Variants in KIF13A observed in about 807,000 individuals in gnomAD.
KIF13A encodes the protein kinesin family member 13A.
A neutral mutation model predicts 212.2 loss-of-function variants in KIF13A; 79 were observed. The ratio of observed to expected loss-of-function variants is 0.37; its 90% CI spans 0.31 to 0.45. The LOEUF is 0.45. Among genes scored for constraint, KIF13A ranks in the 20% least tolerant of loss-of-function variants. KIF13A has a pLI of 1.00. For missense variants in KIF13A, 1,901 were observed against 2,209.0 expected (o/e 0.86, Z 2.79); for synonymous variants, 789 against 808.6 (o/e 0.98, Z 0.41).
At chr6:17,927,641 C>T (rs187006054) in intron 2 of KIF13A, among the ~76,000 whole-genome samples, 2 of 152,304 alleles carry the variant, frequency 1.3e-5, no homozygotes, top group East Asian at 1.9e-4. Context: ...CTGAATTGTA[C>T]ACTTTTAAAC....
intron 2 of KIF13A, among the ~76,000 whole-genome samples, chr6:17,959,947 G>A (rs1282722690): frequency 3.3e-5 from 5 of 151,926 alleles, no homozygotes; most frequent in African/African-American, 7.3e-5. Context: ...GCTTGAACCC[G>A]GGAGGCGGAG....
chr6:17,937,746 GT>G lies in KIF13A; in HGVS notation c.147-39567del, dbSNP rs11401933. ...GCCCAGCTAATTTCTTTCCTTTTTT[GT>G]TTTTTTTTTTTTGTTTTTTTGAGAC... On this transcript the variant is annotated intron_variant, in intron 2 of 38. Coordinates refer to ENST00000259711, the MANE Select transcript of KIF13A (RefSeq NM_022113.6). Among the ~76,000 whole-genome samples the G allele has an allele frequency of 2.1e-3, 281 of 135,670 alleles. 7 individuals carry two copies. The East Asian group carries it at 0.06, about 29-fold the overall frequency. The allele number at this position is 135,670 out of a possible 152,430, so 89.0% of individuals were successfully genotyped here. A position where few individuals can be genotyped will look rare whatever the true frequency, so the allele number is the denominator to read the frequency against.
At position 17,838,378 on chromosome 6, in the gene KIF13A, A is replaced by C. The variant is rs1766182407; in HGVS notation, c.831-795T>G. Among the ~76,000 whole-genome samples, 1 of 152,190 alleles carries C rather than the reference A, an allele frequency of 6.6e-6. No homozygotes were observed. Among genetic ancestry groups the C allele is most frequent in the South Asian group, 2.1e-4 (1 of 4,832 alleles). ...TAACAAAGAAGGACACAAACTAGCA[A>C]GTGAAAGACTAGACAGCTTTCTTTG... On this transcript the variant is annotated intron_variant, in intron 9 of 38. Transcript: ENST00000259711. The surrounding 1 kb of genome is among the most constrained non-coding windows in gnomAD (Gnocchi z 4.2).
rs1761911649 is a variant in KIF13A at position 17,795,038 on chromosome 6, A to C, written c.2943-334T>G. 1.4e-5 allele frequency: 3 copies of C among 217,624 alleles called. No homozygotes were observed. In the East Asian group the frequency reaches 3.2e-4, roughly 23 times the overall value. 13.5% of individuals were successfully genotyped at this position (217,624 alleles called of 1,614,324 possible). On this transcript the variant is annotated intron_variant, in intron 23 of 38. Coordinates refer to ENST00000259711, the MANE Select transcript of KIF13A (RefSeq NM_022113.6). ...CCCACATTCCCGTAGCAACTGTGTA[A>C]CTCTCAGAGATTAGTTTTGCCTGTT...
intron 2 of KIF13A, among the ~76,000 whole-genome samples, chr6:17,985,492 A>G (rs947475241): frequency 6.6e-6 from 1 of 152,132 alleles, no homozygotes; most frequent in African/African-American, 2.4e-5. Flanking sequence ...GTTAAGAGTG[A>G]CAAGGAGCAG....
chr6:17,959,060 A>T (rs12209305), intron 2 of KIF13A, among the ~76,000 whole-genome samples: 17,461 of 151,300 alleles, frequency 0.12, 1,225 homozygotes, highest in East Asian at 0.18. Context: ...AATTTTTTTT[A>T]AAATTTATAT....
At chr6:17,959,072 T>A (rs1369858781) in intron 2 of KIF13A, among the ~76,000 whole-genome samples, 1 of 151,956 alleles carries the variant, frequency 6.6e-6, no homozygotes, top group Non-Finnish European at 1.5e-5. Context: ...AATTTATATT[T>A]TGTAGAGATG....
intron 35 of KIF13A, 127 bp downstream of exon 35, chr6:17,774,888 C>G: frequency 1.7e-6 from 1 of 602,106 alleles, no homozygotes. Context: ...AGAGATTTTT[C>G]TTTTTCTTTT....
chr6:17,774,687 C>A (rs560751480), intron 35 of KIF13A, among the ~76,000 whole-genome samples: 63 of 151,774 alleles, frequency 4.2e-4, no homozygotes, highest in Non-Finnish European at 7.4e-4. Flanking sequence ...GCAGGAGAAT[C>A]GCTTGAACCT....
In KIF13A at chr6:17,987,218, C is replaced by G; in HGVS notation, c.56-74G>C. The G allele has an allele frequency of 8.4e-6, 11 of 1,314,738 alleles. No homozygotes were observed. Among genetic ancestry groups the G allele is most frequent in the Non-Finnish European group, 1.2e-5 (11 of 949,654 alleles). 81.4% of individuals were successfully genotyped at this position (1,314,738 alleles called of 1,614,324 possible). ...CAGCCCGCCCGCCCGCCAGCCGCGC[C>G]GAGCGGGGCTCCGTCCCTGGAGGCG... On this transcript the variant is annotated intron_variant, in intron 1 of 38. Coordinates refer to ENST00000259711, the MANE Select transcript of KIF13A (RefSeq NM_022113.6). The surrounding 1 kb of genome is among the most constrained non-coding windows in gnomAD (Gnocchi z 7.7).
intron 3 of KIF13A, among the ~76,000 whole-genome samples, chr6:17,891,683 A>G (rs2150471255): frequency 6.6e-6 from 1 of 152,232 alleles, no homozygotes; most frequent in African/African-American, 2.4e-5. Context: ...GCTTGAGCCC[A>G]GGAGTTTGAG....
intron 2 of KIF13A, among the ~76,000 whole-genome samples, chr6:17,954,543 T>A (rs1483197656): frequency 2.6e-5 from 4 of 152,056 alleles, no homozygotes; most frequent in Admixed American, 2.0e-4. Flanking sequence ...TCTGGAAAAA[T>A]TTTTCTTAGT....
chr6:17,964,180 C>T (rs1212610029), intron 2 of KIF13A, among the ~76,000 whole-genome samples: 1 of 152,146 alleles, frequency 6.6e-6, no homozygotes, highest in Non-Finnish European at 1.5e-5. Context: ...GTATATTAGC[C>T]AAGAACTAAT....
intron 2 of KIF13A, among the ~76,000 whole-genome samples, chr6:17,973,043 T>C (rs1255685242): frequency 6.6e-6 from 1 of 151,880 alleles, no homozygotes; most frequent in African/African-American, 2.4e-5. Flanking sequence ...CTAACCTGAG[T>C]TCATCCCACA....
intron 2 of KIF13A, among the ~76,000 whole-genome samples, chr6:17,985,629 T>C (rs1291349555): frequency 4.2e-5 from 2 of 47,186 alleles, no homozygotes; most frequent in African/African-American, 2.3e-4. Flanking sequence ...AATATGCAGT[T>C]TGCGGGGGGG....
At chr6:17,761,108 GA>G (rs1338072554), downstream of KIF13A, among the ~76,000 whole-genome samples, 20 of 152,062 alleles carry the variant, frequency 1.3e-4, no homozygotes, top group Admixed American at 1.1e-3. Flanking sequence ...AAAAATTAAG[GA>G]AAAAAAGTGA....
intron 4 of KIF13A, among the ~76,000 whole-genome samples, chr6:17,868,645 C>T (rs960041269): frequency 6.6e-6 from 1 of 151,314 alleles, no homozygotes; most frequent in Non-Finnish European, 1.5e-5. Flanking sequence ...ATCTGCCAGA[C>T]AAACATTATT....
chr6:17,829,075 G>A lies in KIF13A; in HGVS notation c.1402-705C>T, dbSNP rs1181542870. Among the ~76,000 whole-genome samples the A allele has an allele frequency of 2.6e-5, 4 of 151,956 alleles. No individual in the cohort carries two copies. The highest frequency in any genetic ancestry group is 5.9e-5 in the Non-Finnish European group (4 of 68,020). On this transcript the variant is annotated intron_variant, in intron 13 of 38. Coordinates refer to ENST00000259711, the MANE Select transcript of KIF13A (RefSeq NM_022113.6). The surrounding 1 kb of genome is among the most constrained non-coding windows in gnomAD (Gnocchi z 5.4). The stretch of plus-strand genomic sequence containing the variant: ...CCATTCTCTTGCCTCAGCCTCCTGA[G>A]TAGTTGGGATTACAGGTATGCGCCA...
rs888649342 is a variant in KIF13A at position 17,839,866 on chromosome 6, G to C, written c.831-2283C>G. Among the ~76,000 whole-genome samples the C allele has an allele frequency of 6.6e-6, 1 of 152,244 alleles. No individual in the cohort carries two copies. Among genetic ancestry groups the C allele is most frequent in the South Asian group, 2.1e-4 (1 of 4,820 alleles). Reference sequence around the variant, plus strand: ...ATTCTCCCTCTGACCTGCTAAGAGGGAACAAACCCTGCTGACCCCTTGATT... The same window carrying C: ...ATTCTCCCTCTGACCTGCTAAGAGGCAACAAACCCTGCTGACCCCTTGATT... On this transcript the variant is annotated intron_variant, in intron 9 of 38. Coordinates refer to ENST00000259711, the MANE Select transcript of KIF13A (RefSeq NM_022113.6). The surrounding 1 kb of genome is among the most constrained non-coding windows in gnomAD (Gnocchi z 4.3).
Sources: gnomAD v4.1 joint callset for allele counts (sites outside exome capture counted in the v4.1 genomes callset) on GRCh38, gnomAD v4.1.1 for gene constraint, Gnocchi (gnomAD v3.1) non-coding constraint, MANE v1.5 for transcripts, NCBI Gene and HGNC (gene_info 2026-07-23, HGNC 2026-07-21) for gene names.